STXBP6: variants seen among roughly 807,000 people sequenced by gnomAD.
The protein encoded by STXBP6 is syntaxin binding protein 6.
STXBP6 carries 21 observed loss-of-function variants against 26.9 expected under a neutral mutation model. That is an observed-to-expected ratio of 0.78 (90% CI 0.55 to 1.12). The LOEUF is 1.12. STXBP6 is among the 50% of genes most tolerant of loss of function. STXBP6 has a pLI of 0.00. For synonymous variants in STXBP6, 97 were observed against 92.6 expected, an observed-to-expected ratio of 1.05 and a Z score of -0.27; for missense variants, 232 against 257.9, an observed-to-expected ratio of 0.90 and a Z score of 0.69.
intron 2 of STXBP6, among the ~76,000 whole-genome samples, chr14:24,973,597 G>A (rs142132128): frequency 6.6e-6 from 1 of 152,028 alleles, no homozygotes; most frequent in Non-Finnish European, 1.5e-5. Context: ...TGTTGGCCAG[G>A]CTGGTCTTGA....
intron 2 of STXBP6, among the ~76,000 whole-genome samples, chr14:24,895,770 T>C (rs771776245): frequency 6.6e-6 from 1 of 152,194 alleles, no homozygotes; most frequent in Non-Finnish European, 1.5e-5. Flanking sequence ...TGGGCTGACA[T>C]CCCTCCCTTC....
intron 1 of STXBP6, among the ~76,000 whole-genome samples, chr14:25,024,303 T>C (rs537522068): frequency 6.7e-6 from 1 of 149,344 alleles, no homozygotes; most frequent in South Asian, 2.1e-4. Flanking sequence ...AGTGAGACTC[T>C]GACTCAAAAA....
At chr14:25,021,543 A>T (rs1350192773) in intron 1 of STXBP6, among the ~76,000 whole-genome samples, 2 of 151,658 alleles carry the variant, frequency 1.3e-5, no homozygotes, top group African/African-American at 4.8e-5. Context: ...TGGCCCCATC[A>T]CTCACTATAA....
At chr14:24,876,795 G>C (rs1049720583) in intron 2 of STXBP6, among the ~76,000 whole-genome samples, 5 of 152,106 alleles carry the variant, frequency 3.3e-5, no homozygotes, top group African/African-American at 1.2e-4. Context: ...AGCTTCAACT[G>C]GTAATGTTTA....
intron 1 of STXBP6, among the ~76,000 whole-genome samples, chr14:24,976,545 AGT>A (rs1223054512): frequency 3.3e-5 from 5 of 152,204 alleles, no homozygotes; most frequent in African/African-American, 1.2e-4. Context: ...AAATGACAAC[AGT>A]GGAGGGGGAC....
intron 1 of STXBP6, among the ~76,000 whole-genome samples, chr14:25,008,446 T>G (rs1354630584): frequency 6.6e-6 from 1 of 152,166 alleles, no homozygotes; most frequent in African/African-American, 2.4e-5. Context: ...AGCACACCAC[T>G]GCACTCCAGC....
intron 2 of STXBP6, among the ~76,000 whole-genome samples, chr14:24,887,915 C>A (rs930400232): frequency 6.6e-6 from 1 of 152,130 alleles, no homozygotes; most frequent in African/African-American, 2.4e-5. Flanking sequence ...TTAGGACACA[C>A]TGCATTTCTT....
At chr14:24,846,533 G>A (rs973221114) in intron 4 of STXBP6, among the ~76,000 whole-genome samples, 1 of 152,168 alleles carries the variant, frequency 6.6e-6, no homozygotes, top group Non-Finnish European at 1.5e-5. Flanking sequence ...GCTACAAACT[G>A]GGAGAGTGGA....
chr14:25,033,686 T>C (rs939795027), intron 1 of STXBP6, among the ~76,000 whole-genome samples: 4 of 152,176 alleles, frequency 2.6e-5, no homozygotes, highest in African/African-American at 9.6e-5. Flanking sequence ...GAAACTGCCC[T>C]AATTTATTTG....
At chr14:24,972,716 A>G (rs2073937176) in intron 2 of STXBP6, among the ~76,000 whole-genome samples, 1 of 152,210 alleles carries the variant, frequency 6.6e-6, no homozygotes, top group African/African-American at 2.4e-5. Flanking sequence ...AAATATTTTT[A>G]AGACCTGGGC....
At chr14:25,003,917 A>G (rs2074828042) in intron 1 of STXBP6, among the ~76,000 whole-genome samples, 1 of 152,260 alleles carries the variant, frequency 6.6e-6, no homozygotes, top group Admixed American at 6.5e-5. Flanking sequence ...CAGCTCTCCC[A>G]GTTTAAGAAA....
chr14:25,021,019 C>G (rs1299165362), intron 1 of STXBP6, among the ~76,000 whole-genome samples: 3 of 152,114 alleles, frequency 2.0e-5, no homozygotes, highest in Non-Finnish European at 4.4e-5. Flanking sequence ...CTTACCAAAT[C>G]ATTCTCACCA....
chr14:25,031,910 G>A (rs191460272), intron 1 of STXBP6, among the ~76,000 whole-genome samples: 3 of 152,206 alleles, frequency 2.0e-5, no homozygotes, highest in Admixed American at 6.5e-5. Context: ...GGACCCCAAC[G>A]AAGAGCCTAA....
chr14:24,994,845 C>T (rs2074559769), intron 1 of STXBP6: 1 of 151,734 alleles, frequency 6.6e-6, no homozygotes, highest in Non-Finnish European at 1.5e-5. Flanking sequence ...CCTGTCTCTA[C>T]CAAAAATATG....
At chr14:24,994,398 T>C (rs1182137394) in intron 1 of STXBP6, among the ~76,000 whole-genome samples, 2 of 152,202 alleles carry the variant, frequency 1.3e-5, no homozygotes, top group Non-Finnish European at 2.9e-5. Flanking sequence ...CTTTTGTTCT[T>C]GACACTACTT....
At chr14:24,945,810 T>C (rs1308607202) in intron 2 of STXBP6, among the ~76,000 whole-genome samples, 1 of 152,198 alleles carries the variant, frequency 6.6e-6, no homozygotes, top group Non-Finnish European at 1.5e-5. Context: ...ACTAACTCAT[T>C]GAATCCTCTA....
chr14:24,851,890 G>T (rs1457693608), intron 4 of STXBP6, among the ~76,000 whole-genome samples: 1 of 152,056 alleles, frequency 6.6e-6, no homozygotes, highest in Non-Finnish European at 1.5e-5. Context: ...CCAATGACAG[G>T]GTTGGTCCAG....
Position 24,810,349 on chromosome 14 carries a change from CAT to C in STXBP6, c.*2358_*2359del, listed in dbSNP as rs927529838. Reference sequence around the variant, plus strand: ...TACAAGAGGACAGCAAAGAACTTCACATGTGTTATCACTGGGCTCCTCTGCAA... The same window carrying C: ...TACAAGAGGACAGCAAAGAACTTCACGTGTTATCACTGGGCTCCTCTGCAA... On this transcript the variant is annotated 3_prime_UTR_variant, in exon 6 of 6. Coordinates refer to ENST00000323944, the MANE Select transcript of STXBP6 (RefSeq NM_001394410.1). 2.0e-5 allele frequency: 3 copies of C among 152,228 alleles called. No homozygotes were observed. Among genetic ancestry groups the C allele is most frequent in the African/African-American group, 7.2e-5 (3 of 41,440 alleles). The allele number at this position is 152,228 out of a possible 1,614,324, so 9.4% of individuals were successfully genotyped here.
At chr14:24,841,966 G>C (rs1025548156) in intron 4 of STXBP6, among the ~76,000 whole-genome samples, 3 of 152,146 alleles carry the variant, frequency 2.0e-5, no homozygotes, top group African/African-American at 7.2e-5. Context: ...TCTTCAGTGG[G>C]AGATTTAAAT....
Sources: gnomAD v4.1 joint callset for allele counts (sites outside exome capture counted in the v4.1 genomes callset) on GRCh38, gnomAD v4.1.1 for gene constraint, MANE v1.5 for transcripts, NCBI Gene and HGNC (gene_info 2026-07-23, HGNC 2026-07-21) for gene names.